OBP2B: variants seen among roughly 807,000 people sequenced by gnomAD.
OBP2B encodes odorant binding protein 2B, also known as odorant-binding protein 2b.
Under a neutral mutation model 21.7 loss-of-function variants are expected in OBP2B, and 10 were observed. That is an observed-to-expected ratio of 0.46 (90% confidence interval 0.28 to 0.78). The LOEUF (loss-of-function observed/expected upper bound fraction) is 0.78, where lower values mean the gene tolerates loss of function less well. OBP2B is among the 30% of genes least tolerant of loss of function. The probability of loss-of-function intolerance (pLI) is 0.11; values close to 1 mark genes in which losing one functional copy is unlikely to be tolerated. For missense variants in OBP2B, 153 were observed against 217.7 expected, an observed-to-expected ratio of 0.70 and a Z score of 1.87; for synonymous variants, 73 against 91.5, an observed-to-expected ratio of 0.80 and a Z score of 1.16.
the OBP2B span, among the ~76,000 whole-genome samples, chr9:133,222,923 C>T: frequency 2.6e-5 from 4 of 151,836 alleles, no homozygotes; most frequent in East Asian, 3.9e-4. Context: ...CACTCCCTCC[C>T]GCACCCCCAA....
At chr9:133,217,094 A>G in the OBP2B span, among the ~76,000 whole-genome samples, 5 of 152,214 alleles carry the variant, frequency 3.3e-5, no homozygotes, top group East Asian at 9.6e-4. Flanking sequence ...CAAATCTTGG[A>G]AATGCCTCAA....
At chr9:133,207,420 C>T in intron 3 of OBP2B, 84 bp from the exon 4 acceptor site, 1 of 946,474 alleles carries the variant, frequency 1.1e-6, no homozygotes, top group Non-Finnish European at 1.6e-6. Flanking sequence ...TTTCAGCGGT[C>T]ACCCAGGTGC....
chr9:133,222,177 C>T, the OBP2B span, among the ~76,000 whole-genome samples: 3 of 152,032 alleles, frequency 2.0e-5, no homozygotes, highest in Non-Finnish European at 2.9e-5. Flanking sequence ...CAGCATGGAT[C>T]GGCTCCGCCC....
chr9:133,221,784 C>T, the OBP2B span, among the ~76,000 whole-genome samples: 2 of 152,118 alleles, frequency 1.3e-5, no homozygotes, highest in African/African-American at 2.4e-5. Context: ...ATTCAAAAGT[C>T]GCCAAGTGTT....
chr9:133,212,266 GCAA>G (rs541756321), upstream of OBP2B, among the ~76,000 whole-genome samples: 40 of 152,274 alleles, frequency 2.6e-4, no homozygotes, highest in South Asian at 5.6e-3. Flanking sequence ...TTCTCTCAGA[GCAA>G]CTAGACAGAA....
At position 133,205,917 on chromosome 9, in the gene OBP2B, C is replaced by A; in HGVS notation, c.*1G>T. ...AGTGCCCTCCTAAAGGCTCACTCAC[C>A]CTAGTGTTCGGGAACGCAGCTTCCT... On this transcript the variant is annotated splice_region_variant and 3_prime_UTR_variant, in exon 6 of 7. Transcript: ENST00000372034. 1 of 1,613,900 alleles carries A rather than the reference C, an allele frequency of 6.2e-7. No homozygotes were observed. The highest frequency in any genetic ancestry group is 8.5e-7 in the Non-Finnish European group (1 of 1,179,828).
the OBP2B span, among the ~76,000 whole-genome samples, chr9:133,214,829 T>C: frequency 1.3e-5 from 2 of 152,232 alleles, no homozygotes; most frequent in African/African-American, 4.8e-5. Context: ...ACAAACGCTT[T>C]CTCCTTAACA....
chr9:133,208,262 C>T, intron 2 of OBP2B, 59 bp from the exon 3 acceptor site: 1 of 1,608,258 alleles, frequency 6.2e-7, no homozygotes, highest in Non-Finnish European at 8.5e-7. Context: ...CCATCCTCAG[C>T]TCACCTGGTG....
chr9:133,205,620 A>G (rs1316059346), intron 6 of OBP2B: 8 of 604,686 alleles, frequency 1.3e-5, no homozygotes, highest in Admixed American at 3.0e-5. Context: ...GCGTGGGGAC[A>G]GGTGCAGGGG....
chr9:133,205,498 C>T (rs572397320), intron 6 of OBP2B, 87 bp from the exon 7 acceptor site: 10 of 947,106 alleles, frequency 1.1e-5, no homozygotes, highest in African/African-American at 3.3e-5. Context: ...GCTCTGCAGC[C>T]CCCACATCGG....
At chr9:133,223,159 GCCTC>G in the OBP2B span, among the ~76,000 whole-genome samples, 2 of 148,396 alleles carry the variant, frequency 1.3e-5, no homozygotes, top group Non-Finnish European at 2.9e-5. The surrounding 1 kb of genome is among the most constrained non-coding windows in gnomAD (Gnocchi z 4.4). Context: ...TGGTGTTGAG[GCCTC>G]ATTCACAGGG....
the OBP2B span, among the ~76,000 whole-genome samples, chr9:133,218,223 G>C: frequency 6.6e-6 from 1 of 152,218 alleles, no homozygotes; most frequent in Non-Finnish European, 1.5e-5. Context: ...CTGGAGGTGG[G>C]AGAACGCTGG....
chr9:133,211,649 T>C (rs186314264), upstream of OBP2B, among the ~76,000 whole-genome samples: 9 of 152,332 alleles, frequency 5.9e-5, no homozygotes, highest in African/African-American at 2.2e-4. Context: ...TCCACCCTAT[T>C]TCTCAGATGG....
At chr9:133,205,851 G>A in intron 6 of OBP2B, 66 bp downstream of exon 6, 38 of 1,612,028 alleles carry the variant, frequency 2.4e-5, no homozygotes, top group Non-Finnish European at 3.1e-5. Flanking sequence ...CAGAGCAGAT[G>A]TACCCTCGAA....
upstream of OBP2B, among the ~76,000 whole-genome samples, chr9:133,211,288 C>T (rs1833913816): frequency 6.6e-6 from 1 of 152,198 alleles, no homozygotes; most frequent in South Asian, 2.1e-4. Context: ...CCTGTGCCAC[C>T]AACCACCTAT....
the OBP2B span, among the ~76,000 whole-genome samples, chr9:133,220,811 AG>A: frequency 3.3e-5 from 5 of 152,188 alleles, no homozygotes; most frequent in Admixed American, 6.5e-5. Flanking sequence ...CTGTTATCAC[AG>A]GGGCCCTTAT....
chr9:133,207,879 A>C, intron 3 of OBP2B: 2 of 1,524,766 alleles, frequency 1.3e-6, no homozygotes, highest in Non-Finnish European at 1.8e-6. Flanking sequence ...CAGCTTCCTC[A>C]ATGTGTCAAT....
At chr9:133,215,473 T>A in the OBP2B span, among the ~76,000 whole-genome samples, 6 of 152,190 alleles carry the variant, frequency 3.9e-5, no homozygotes, top group Non-Finnish European at 7.4e-5. Flanking sequence ...CTTTTTTTTT[T>A]AAGAATAAAG....
At chr9:133,206,129 A>G (rs1369470349) in intron 5 of OBP2B, among the ~76,000 whole-genome samples, 186 bp downstream of exon 5, 1 of 151,516 alleles carries the variant, frequency 6.6e-6, no homozygotes, top group Non-Finnish European at 1.5e-5. Context: ...CCCAGACCCC[A>G]TCGCAGCCCA....
Sources: allele counts gnomAD v4.1 joint callset (sites outside exome capture counted in the v4.1 genomes callset), GRCh38; gene constraint gnomAD v4.1.1; non-coding constraint Gnocchi (gnomAD v3.1); transcripts MANE v1.5; gene names NCBI Gene and HGNC (gene_info 2026-07-23, HGNC 2026-07-21).